Variants in ENTPD4 observed in about 807,000 individuals in gnomAD.
The protein encoded by ENTPD4 is ectonucleoside triphosphate diphosphohydrolase 4.
In ENTPD4, 60 loss-of-function variants were observed where a neutral mutation model predicts 79.1. That is an observed-to-expected ratio of 0.76 (90% confidence interval 0.62 to 0.94). The LOEUF is 0.94. Ranked by LOEUF, ENTPD4 falls within the 40% of genes least tolerant of loss-of-function variation. ENTPD4 has a pLI of 0.00. For synonymous variants in ENTPD4, 276 were observed against 292.0 expected, an observed-to-expected ratio of 0.95 and a Z score of 0.56; for missense variants, 772 against 775.1, an observed-to-expected ratio of 1.00 and a Z score of 0.05.
rs1286242281 is a variant in ENTPD4, at chr8:23,431,474, G to T, written c.*1452C>A. 1 of 985,354 alleles carries T rather than the reference G, an allele frequency of 1.0e-6. No homozygotes were observed. Among genetic ancestry groups the T allele is most frequent in the Non-Finnish European group, 1.2e-6 (1 of 829,910 alleles). 61.0% of individuals were successfully genotyped at this position (985,354 alleles called of 1,614,324 possible). ...GTGAAAAAACACCAATCTCACATATGCCAATCCAATTGTCCTTTTTAGATT... is the reference window on the plus strand; with the variant it reads ...GTGAAAAAACACCAATCTCACATATTCCAATCCAATTGTCCTTTTTAGATT... On this transcript the variant is annotated 3_prime_UTR_variant, in exon 13 of 13. Transcript: ENST00000358689.
chr8:23,435,723 A>G (rs1241346387), intron 10 of ENTPD4, among the ~76,000 whole-genome samples: 1 of 152,188 alleles, frequency 6.6e-6, no homozygotes, highest in Non-Finnish European at 1.5e-5. Flanking sequence ...GCTGTCCACA[A>G]CCAACCTCTC....
chr8:23,434,013 G>T (rs1489422220), intron 12 of ENTPD4: 4 of 349,442 alleles, frequency 1.1e-5, no homozygotes, highest in Admixed American at 4.2e-5. Context: ...AGAGGCCTGA[G>T]TCATAAAGGT....
In ENTPD4 at chr8:23,444,461, G is replaced by C. The variant is rs532802683; in HGVS notation, c.558C>G (p.Pro186=). ...GCCCTTCTGTGGAGGATCACCTTTCGGGGAGGATTCTCATTCCAGCCGTGC... is the reference window on the plus strand; with the variant it reads ...GCCCTTCTGTGGAGGATCACCTTTCCGGGAGGATTCTCATTCCAGCCGTGC... ...ILCTAGMRIL[P]ESQQKAILED... Residue 186 remains proline, a synonymous_variant, in exon 5 of 13, where the codon CCC becomes CCG. Transcript: ENST00000358689. The C allele has an allele frequency of 1.2e-6, 2 of 1,613,738 alleles. No homozygotes were observed. Among genetic ancestry groups the C allele is most frequent in the African/African-American group, 2.7e-5 (2 of 75,030 alleles).
chr8:23,441,069 A>G (rs1585404483), intron 8 of ENTPD4, among the ~76,000 whole-genome samples: 1 of 152,232 alleles, frequency 6.6e-6, no homozygotes, highest in Non-Finnish European at 1.5e-5. Flanking sequence ...TCTCTAGACA[A>G]GGCTGCCCAG....
In ENTPD4 at chr8:23,448,928, G is replaced by A. The variant is rs1418864085; in HGVS notation, c.20C>T (p.Ser7Phe). 6.2e-7 allele frequency: 1 copy of A among 1,613,434 alleles called. No homozygotes were observed. Among genetic ancestry groups the A allele is most frequent in the South Asian group, 1.1e-5 (1 of 90,964 alleles). Residue 7 changes from serine to phenylalanine, a missense_variant, in exon 3 of 13, where the codon TCC becomes TTC. Ser to Phe is a radical substitution (Grantham distance 155). Coordinates refer to ENST00000358689, the MANE Select transcript of ENTPD4 (RefSeq NM_004901.5). Reference protein sequence around the residue: MGRIGISCLFPASWHFS... With the variant: MGRIGIFCLFPASWHFS... ...ATGCCAAGAAGCAGGAAAAAGACAG[G>A]AGATGCCAATCCTGAAATTAGAAGG...
Position 23,448,763 on chromosome 8 carries a change from G to A in ENTPD4, c.185C>T (p.Thr62Ile), listed in dbSNP as rs757335779. The A allele has an allele frequency of 4.3e-6, 7 of 1,613,960 alleles. No homozygotes were observed. The highest frequency in any genetic ancestry group is 2.2e-5 in the South Asian group (2 of 91,074). Residue 62 changes from threonine to isoleucine, a missense_variant, in exon 3 of 13, where the codon ACC becomes ATC. Thr to Ile is a moderately conservative substitution (Grantham distance 89, BLOSUM62 -1). Coordinates refer to ENST00000358689, the MANE Select transcript of ENTPD4 (RefSeq NM_004901.5). ...TTACCTTTGAAATTTCTTGTCTCTG[G>A]TTAGTCGCCCATACTTATTTCGGAT... Reference protein sequence around the residue: ...VIIRNKYGRLTRDKKFQRYLA... With the variant: ...VIIRNKYGRLIRDKKFQRYLA...
At chr8:23,434,979 A>T (rs900370045) in intron 11 of ENTPD4, among the ~76,000 whole-genome samples, 6 of 152,234 alleles carry the variant, frequency 3.9e-5, no homozygotes, top group Admixed American at 3.9e-4. Context: ...GTGACTTACA[A>T]TGAAAGGGGA....
chr8:23,435,975 T>C (rs1585401010), intron 10 of ENTPD4, among the ~76,000 whole-genome samples: 2 of 152,342 alleles, frequency 1.3e-5, no homozygotes, highest in Admixed American at 1.3e-4. Flanking sequence ...GTCTTCTCAA[T>C]GTAATACTTA....
Position 23,430,629 on chromosome 8 carries a change from C to T in ENTPD4, c.*2297G>A. On this transcript the variant is annotated 3_prime_UTR_variant, in exon 13 of 13. Coordinates refer to ENST00000358689, the MANE Select transcript of ENTPD4 (RefSeq NM_004901.5). The stretch of plus-strand genomic sequence containing the variant: ...TTTAAAAATGGCAAATCCACTACTA[C>T]CTCTCAGCTGGAGCAATGAGGTTTT... 5 of 985,488 alleles carry T rather than the reference C, an allele frequency of 5.1e-6. No homozygotes were observed. The highest frequency in any genetic ancestry group is 6.0e-6 in the Non-Finnish European group (5 of 829,976). The allele number at this position is 985,488 out of a possible 1,614,324, so 61.0% of individuals were successfully genotyped here. A position where few individuals can be genotyped will look rare whatever the true frequency, so the allele number is the denominator to read the frequency against.
intron 10 of ENTPD4, 99 bp downstream of exon 10, chr8:23,436,835 T>A: frequency 1.0e-6 from 1 of 978,700 alleles, no homozygotes; most frequent in Non-Finnish European, 1.5e-6. Flanking sequence ...CCTTCTATAC[T>A]CCGTCTTTCC....
chr8:23,444,854 G>A (rs1290625873), intron 4 of ENTPD4, among the ~76,000 whole-genome samples: 1 of 152,064 alleles, frequency 6.6e-6, no homozygotes, highest in African/African-American at 2.4e-5. Flanking sequence ...ACTGCCATGC[G>A]CATGGGCTCT....
chr8:23,453,088 A>C (rs1304164505), intron 1 of ENTPD4, among the ~76,000 whole-genome samples: 1 of 152,230 alleles, frequency 6.6e-6, no homozygotes, highest in African/African-American at 2.4e-5. Flanking sequence ...ACCTTAAAGA[A>C]TCTATAAGGC....
intron 1 of ENTPD4, among the ~76,000 whole-genome samples, chr8:23,452,487 GTTAT>G (rs1236932059): frequency 6.6e-6 from 1 of 152,164 alleles, no homozygotes; most frequent in Non-Finnish European, 1.5e-5. Context: ...GCCATGTGTG[GTTAT>G]TTAAAGTAAT....
intron 1 of ENTPD4, among the ~76,000 whole-genome samples, chr8:23,454,655 G>A (rs564570843): frequency 6.6e-6 from 1 of 152,276 alleles, no homozygotes; most frequent in Admixed American, 6.5e-5. Flanking sequence ...AGGTGACCGA[G>A]AGAATGATCA....
rs575808542 is a variant in ENTPD4 at position 23,432,794 on chromosome 8, G to A, written c.*132C>T. The A allele has an allele frequency of 2.1e-4, 298 of 1,439,190 alleles. No homozygotes were observed. Among genetic ancestry groups the A allele is most frequent in the Non-Finnish European group, 2.5e-4 (272 of 1,100,406 alleles). 89.2% of individuals were successfully genotyped at this position (1,439,190 alleles called of 1,614,324 possible). A position where few individuals can be genotyped will look rare whatever the true frequency, so the allele number is the denominator to read the frequency against. On this transcript the variant is annotated 3_prime_UTR_variant, in exon 13 of 13. Transcript: ENST00000358689. ...ATTACAGGCGTGAGCCACCGCGCTC[G>A]GCCTGCATTTTGTTTTTGTTTGGAG... is the stretch of plus-strand genomic sequence containing the variant.
chr8:23,450,083 A>C (rs1055943269), intron 1 of ENTPD4, 86 bp from the exon 2 acceptor site: 8 of 684,634 alleles, frequency 1.2e-5, no homozygotes, highest in African/African-American at 1.8e-5. Context: ...AAATCCAACC[A>C]CATATAATCT....
chr8:23,447,953 T>C (rs2117299715), intron 3 of ENTPD4, 68 bp from the exon 4 acceptor site: 1 of 1,292,126 alleles, frequency 7.7e-7, no homozygotes, highest in Non-Finnish European at 1.1e-6. Flanking sequence ...ACAGAGAAAA[T>C]GCAGCAAATA....
chr8:23,434,788 A>G (rs1472360018), intron 11 of ENTPD4: 1 of 1,024,382 alleles, frequency 9.8e-7, no homozygotes, highest in Admixed American at 4.0e-5. Flanking sequence ...TTGAATGAAT[A>G]CTGAACAGGT....
At chr8:23,434,093 C>T in intron 12 of ENTPD4, 1 of 545,610 alleles carries the variant, frequency 1.8e-6, no homozygotes, top group Non-Finnish European at 3.3e-6. Context: ...AAACACAGGG[C>T]AGTAGGACAG....
Sources: allele counts gnomAD v4.1 joint callset (sites outside exome capture counted in the v4.1 genomes callset), GRCh38; gene constraint gnomAD v4.1.1; transcripts MANE v1.5; gene names NCBI Gene and HGNC (gene_info 2026-07-23, HGNC 2026-07-21).